Variants in FH observed in about 807,000 individuals in gnomAD.
The protein encoded by FH is fumarate hydratase, mitochondrial.
Under a neutral mutation model 49.4 loss-of-function variants are expected in FH, and 22 were observed. The observed-to-expected ratio is 0.45, with a 90% CI of 0.32 to 0.64. The LOEUF is 0.64. FH is among the 30% of genes least tolerant of loss of function. The pLI, the probability that FH is intolerant of heterozygous loss-of-function variation, is 0.05. For missense variants in FH, 526 were observed against 641.5 expected, an observed-to-expected ratio of 0.82 and a Z score of 1.95; for synonymous variants, 208 against 223.0, an observed-to-expected ratio of 0.93 and a Z score of 0.60.
intron 8 of FH, among the ~76,000 whole-genome samples, chr1:241,501,037 T>C (rs1357721203): frequency 1.3e-5 from 2 of 152,140 alleles, no homozygotes. Context: ...TCAGTATGAG[T>C]GTGAGGCAAT....
chr1:241,519,426 C>T (rs1464998640), intron 1 of FH, 165 bp downstream of exon 1: 1 of 820,446 alleles, frequency 1.2e-6, no homozygotes, highest in African/African-American at 1.8e-5. Flanking sequence ...AAGAGGCGTC[C>T]CGAGGCCGGG....
chr1:241,506,629 T>G (rs187975114), intron 5 of FH, among the ~76,000 whole-genome samples: 1 of 152,184 alleles, frequency 6.6e-6, no homozygotes, highest in Non-Finnish European at 1.5e-5. Flanking sequence ...ACAATTTCAG[T>G]GTATAAACCT....
chr1:241,502,652 A>G, intron 7 of FH, 82 bp from the exon 8 acceptor site: 1 of 1,464,606 alleles, frequency 6.8e-7, no homozygotes, highest in Non-Finnish European at 9.6e-7. Flanking sequence ...ATTTCACTAA[A>G]TAGAGTAAGA....
rs1659662237 is a variant in FH at position 241,497,864 on chromosome 1, T to C, written c.1497A>G (p.Glu499=). The change falls in exon 10 of 10, where the codon GAA becomes GAG. Residue 499 remains glutamate, a synonymous_variant. Transcript: ENST00000366560. ...CCAGCATGTCCTTAGGTTTTACCCA[T>C]TCGTCAAACTGCTCTGCTGTGAGAT... The part of the protein sequence containing the change: ...LGYLTAEQFD[E]WVKPKDMLGP... The C allele has an allele frequency of 6.2e-7, 1 of 1,612,500 alleles. No individual in the cohort carries two copies. The highest frequency in any genetic ancestry group is 1.1e-5 in the South Asian group (1 of 91,008).
intron 4 of FH, among the ~76,000 whole-genome samples, chr1:241,509,829 GCA>G (rs1660037949): frequency 7.4e-6 from 1 of 135,504 alleles, no homozygotes; most frequent in Non-Finnish European, 1.6e-5. Context: ...ACACACGCAT[GCA>G]CACACACAGA....
At chr1:241,510,634 A>G (rs1229409104) in intron 4 of FH, among the ~76,000 whole-genome samples, 2 of 152,200 alleles carry the variant, frequency 1.3e-5, no homozygotes, top group Non-Finnish European at 2.9e-5. Context: ...AGATTCCCTG[A>G]TGAATGCTAA....
chr1:241,512,841 T>C (rs1250993287), intron 3 of FH, among the ~76,000 whole-genome samples: 1 of 152,258 alleles, frequency 6.6e-6, no homozygotes, highest in Non-Finnish European at 1.5e-5. Flanking sequence ...ACAGTCACTA[T>C]AGTTCTATTG....
rs768253079 is a variant in FH at position 241,511,956 on chromosome 1, C to T, written c.555+11G>A. On this transcript the variant is annotated intron_variant, in intron 4 of 9. Coordinates refer to ENST00000366560, the MANE Select transcript of FH (RefSeq NM_000143.4). ...TTTATAACCAAAAAACAGCAAAGCT[C>T]ACATACTGACCTGGCTTTTATTAAC... 3.1e-6 allele frequency: 5 copies of T among 1,613,584 alleles called. No homozygotes were observed. The highest frequency in any genetic ancestry group is 4.2e-6 in the Non-Finnish European group (5 of 1,179,668).
intron 3 of FH, among the ~76,000 whole-genome samples, chr1:241,512,524 T>C (rs1039589608): frequency 2.0e-5 from 3 of 152,224 alleles, no homozygotes; most frequent in African/African-American, 4.8e-5. Context: ...AGTTCACTAA[T>C]AGCTACTTCA....
chr1:241,498,965 CATTT>C (rs1443891226), intron 9 of FH, among the ~76,000 whole-genome samples: 10 of 151,506 alleles, frequency 6.6e-5, no homozygotes, highest in Non-Finnish European at 1.3e-4. Flanking sequence ...TTGAAAAGGG[CATTT>C]ATTGATCTGA....
chr1:241,517,240 G>A lies in FH; in HGVS notation c.209C>T (p.Ala70Val), dbSNP rs1573888433. ...LKVPNDKYYGAQTVRSTMNFK... is the reference protein window; with the variant it reads ...LKVPNDKYYGVQTVRSTMNFK... Reference sequence around the variant, plus strand: ...GTTCATCGTAGATCTCACGGTCTGGGCGCCATAATACTTATCATTTGGCAC... The same window carrying A: ...GTTCATCGTAGATCTCACGGTCTGGACGCCATAATACTTATCATTTGGCAC... The change falls in exon 2 of 10, where the codon GCC becomes GTC. Residue 70 changes from alanine to valine, a missense_variant. By Grantham distance (64) the Ala-to-Val change is moderately conservative (BLOSUM62 0). This residue lies in a region of FH where 143 missense variants were observed against 127.5 expected (regional missense o/e 1.12). Coordinates refer to ENST00000366560, the MANE Select transcript of FH (RefSeq NM_000143.4). 2 of 1,614,068 alleles carry A rather than the reference G, an allele frequency of 1.2e-6. No homozygotes were observed. Among genetic ancestry groups the A allele is most frequent in the African/African-American group, 1.3e-5 (1 of 74,990 alleles).
At chr1:241,500,987 C>A (rs1043676375) in intron 8 of FH, among the ~76,000 whole-genome samples, 1 of 152,196 alleles carries the variant, frequency 6.6e-6, no homozygotes, top group South Asian at 2.1e-4. Flanking sequence ...GAATCTTCCA[C>A]GCAGAAGGAA....
At chr1:241,505,305 T>C (rs1659883095) in intron 6 of FH, among the ~76,000 whole-genome samples, 1 of 152,188 alleles carries the variant, frequency 6.6e-6, no homozygotes. Flanking sequence ...AAAAACAGTG[T>C]GCTAAAATGA....
At chr1:241,503,631 T>C (rs1224668673) in intron 7 of FH, among the ~76,000 whole-genome samples, 3 of 152,222 alleles carry the variant, frequency 2.0e-5, no homozygotes, top group Admixed American at 1.3e-4. Flanking sequence ...GCTTCTCCAC[T>C]GGAATCAATG....
At position 241,506,015 on chromosome 1, in the gene FH, C is replaced by G. The variant is rs201395553; in HGVS notation, c.892G>C (p.Ala298Pro). The part of the protein sequence containing the change: ...GFAEKVAAKV[A>P]ALTGLPFVTA... ...CGTGATCACTAACCTGTAAGTGCAGCCACTTTTGCAGCAACCTTTTCTGCA... is the reference window on the plus strand; with the variant it reads ...CGTGATCACTAACCTGTAAGTGCAGGCACTTTTGCAGCAACCTTTTCTGCA... The change falls in exon 6 of 10, where the codon GCT becomes CCT. Residue 298 changes from alanine (A) to proline (P), a missense_variant. Coordinates refer to ENST00000366560, the MANE Select transcript of FH (RefSeq NM_000143.4). 2 of 1,613,918 alleles carry G rather than the reference C, an allele frequency of 1.2e-6. No individual in the cohort carries two copies. The highest frequency in any genetic ancestry group is 1.7e-6 in the Non-Finnish European group (2 of 1,179,884).
At chr1:241,503,860 T>C (rs1041669642) in intron 7 of FH, among the ~76,000 whole-genome samples, 182 bp downstream of exon 7, 1 of 152,264 alleles carries the variant, frequency 6.6e-6, no homozygotes, top group Admixed American at 6.5e-5. Flanking sequence ...GATTCTTTCT[T>C]CCTATCTTGT....
At chr1:241,514,085 C>T (rs1431135386) in intron 2 of FH, among the ~76,000 whole-genome samples, 2 of 152,090 alleles carry the variant, frequency 1.3e-5, no homozygotes, top group Admixed American at 1.3e-4. Flanking sequence ...ATTTAGTACT[C>T]AATCTTTTCA....
At chr1:241,504,333 AT>A (rs1426429485) in intron 6 of FH, 88 bp from the exon 7 acceptor site, 675 of 1,241,964 alleles carry the variant, frequency 5.4e-4, no homozygotes, top group Non-Finnish European at 6.4e-4. Flanking sequence ...AAGTTCCAAT[AT>A]ACGAAAAAAT....
chr1:241,510,377 A>G (rs1660054002), intron 4 of FH, among the ~76,000 whole-genome samples: 1 of 152,208 alleles, frequency 6.6e-6, no homozygotes, highest in African/African-American at 2.4e-5. Flanking sequence ...ACAAGAGCCA[A>G]ATGAATTGGG....
Sources: gnomAD v4.1 joint callset for allele counts (sites outside exome capture counted in the v4.1 genomes callset) on GRCh38, gnomAD v4.1.1 for gene constraint, gnomAD v4.1.1 regional missense constraint, MANE v1.5 for transcripts, NCBI Gene and HGNC (gene_info 2026-07-23, HGNC 2026-07-21) for gene names.